BTBD9: variants seen among roughly 807,000 people sequenced by gnomAD.
BTBD9 encodes BTB/POZ domain-containing protein 9.
A neutral mutation model predicts 64.3 loss-of-function variants in BTBD9; 49 were observed. That is an observed-to-expected ratio of 0.76 (90% confidence interval 0.61 to 0.97). BTBD9 has a LOEUF of 0.97. Ranked by LOEUF, BTBD9 falls within the 50% of genes least tolerant of loss-of-function variation. The pLI is 0.00. For missense variants in BTBD9, 598 were observed against 762.1 expected, an observed-to-expected ratio of 0.78 and a Z score of 2.53; for synonymous variants, 260 against 274.7, an observed-to-expected ratio of 0.95 and a Z score of 0.53.
chr6:38,405,177 A>G lies in BTBD9; in HGVS notation c.1155-60084T>C, dbSNP rs182028736. On this transcript the variant is annotated intron_variant, in intron 6 of 10. Coordinates refer to ENST00000481247, the MANE Select transcript of BTBD9 (RefSeq NM_001099272.2). ...CTGGCTTCTATCCAGAATGCTAAAT[A>G]GACAATCTATCTGAGGAAGGGCCTG... 6.9e-4 allele frequency among the ~76,000 whole-genome samples: 105 copies of G among 152,308 alleles called. 2 individuals are homozygous for G. Among genetic ancestry groups the G allele is most frequent in the East Asian group, 1.9e-4 (1 of 5,180 alleles).
intron 4 of BTBD9, among the ~76,000 whole-genome samples, chr6:38,589,266 G>T (rs1016060656): frequency 2.8e-4 from 43 of 152,102 alleles, no homozygotes; most frequent in African/African-American, 9.7e-4. Context: ...TGTAACCCAG[G>T]TACTACCCTT....
At chr6:38,568,116 T>G (rs915330818) in intron 6 of BTBD9, among the ~76,000 whole-genome samples, 12 of 152,236 alleles carry the variant, frequency 7.9e-5, no homozygotes, top group Admixed American at 5.2e-4. Context: ...ATAAATACTA[T>G]GAAAGGTCAG....
chr6:38,349,795 A>C (rs1346177331), intron 6 of BTBD9, among the ~76,000 whole-genome samples: 1 of 151,980 alleles, frequency 6.6e-6, no homozygotes, highest in Non-Finnish European at 1.5e-5. Flanking sequence ...GAACACAGGG[A>C]GGGGCTTGTC....
intron 1 of BTBD9, among the ~76,000 whole-genome samples, chr6:38,618,355 A>T (rs934510795): frequency 6.6e-6 from 1 of 152,254 alleles, no homozygotes; most frequent in Non-Finnish European, 1.5e-5. Flanking sequence ...GTAAGAGGGA[A>T]GGCAAATGGA....
intron 6 of BTBD9, among the ~76,000 whole-genome samples, chr6:38,461,791 A>G (rs1429721653): frequency 6.6e-6 from 1 of 152,240 alleles, no homozygotes; most frequent in African/African-American, 2.4e-5. Context: ...ACAGAGCAGC[A>G]GAGTGTTAGA....
intron 6 of BTBD9, among the ~76,000 whole-genome samples, chr6:38,416,296 T>A (rs1767662471): frequency 6.6e-6 from 1 of 151,678 alleles, no homozygotes; most frequent in Non-Finnish European, 1.5e-5. Flanking sequence ...GAGGTAGTGC[T>A]GTAGTCAGCC....
chr6:38,351,704 T>A (rs936616878), intron 6 of BTBD9, among the ~76,000 whole-genome samples: 1 of 152,022 alleles, frequency 6.6e-6, no homozygotes, highest in Non-Finnish European at 1.5e-5. Context: ...TTTCACCATG[T>A]TAGCCAGTAT....
At chr6:38,407,902 A>G (rs1164999822) in intron 6 of BTBD9, among the ~76,000 whole-genome samples, 3 of 152,304 alleles carry the variant, frequency 2.0e-5, no homozygotes, top group Non-Finnish European at 2.9e-5. Flanking sequence ...AAGGTCCTCA[A>G]TGGAACAACT....
intron 9 of BTBD9, among the ~76,000 whole-genome samples, chr6:38,218,412 T>A (rs1763086125): frequency 6.6e-6 from 1 of 152,166 alleles, no homozygotes; most frequent in Non-Finnish European, 1.5e-5. Context: ...TGTGCTGCAG[T>A]CTGTTTTCTG....
intron 6 of BTBD9, among the ~76,000 whole-genome samples, chr6:38,456,268 CTG>C (rs2127345011): frequency 6.6e-6 from 1 of 152,328 alleles, no homozygotes; most frequent in East Asian, 1.9e-4. Flanking sequence ...GATTACATGA[CTG>C]AGCCACTGTG....
chr6:38,551,856 A>G (rs2127448149), intron 6 of BTBD9, among the ~76,000 whole-genome samples: 1 of 152,334 alleles, frequency 6.6e-6, no homozygotes, highest in East Asian at 1.9e-4. Flanking sequence ...TCCAAGCTAT[A>G]GAGATGTTGA....
intron 6 of BTBD9, among the ~76,000 whole-genome samples, chr6:38,518,515 G>C (rs535707729): frequency 3.3e-5 from 5 of 152,212 alleles, no homozygotes; most frequent in Non-Finnish European, 7.3e-5. Context: ...TGGACCTTAT[G>C]CCTGGACCTG....
intron 7 of BTBD9, among the ~76,000 whole-genome samples, chr6:38,309,422 A>C (rs1762746347): frequency 6.6e-6 from 1 of 151,618 alleles, no homozygotes; most frequent in African/African-American, 2.4e-5. Context: ...GTGGTGGTTT[A>C]TTTAATACTT....
chr6:38,534,504 G>A (rs572395971), intron 6 of BTBD9, among the ~76,000 whole-genome samples: 1 of 148,684 alleles, frequency 6.7e-6, no homozygotes, highest in Non-Finnish European at 1.5e-5. Context: ...GAGGAGGAGG[G>A]AATACTTCCA....
intron 1 of BTBD9, among the ~76,000 whole-genome samples, chr6:38,631,795 G>C (rs1313160410): frequency 1.3e-5 from 2 of 152,320 alleles, no homozygotes; most frequent in East Asian, 3.9e-4. Context: ...AGCTACGCTG[G>C]TTCTGAATTC....
At chr6:38,485,672 T>C (rs1771362924) in intron 6 of BTBD9, among the ~76,000 whole-genome samples, 2 of 152,190 alleles carry the variant, frequency 1.3e-5, no homozygotes, top group Non-Finnish European at 2.9e-5. Context: ...TGTGCAGTCA[T>C]CCAGGCTTTG....
At chr6:38,391,215 T>C (rs981867291) in intron 6 of BTBD9, among the ~76,000 whole-genome samples, 2 of 152,158 alleles carry the variant, frequency 1.3e-5, no homozygotes, top group African/African-American at 4.8e-5. Context: ...TCTCAAAGGT[T>C]TTACATACTA....
In BTBD9 at chr6:38,171,014, T is replaced by C. The variant is rs1413883383; in HGVS notation, c.*3971A>G. On this transcript the variant is annotated 3_prime_UTR_variant, in exon 11 of 11. Coordinates refer to ENST00000481247, the MANE Select transcript of BTBD9 (RefSeq NM_001099272.2). The stretch of plus-strand genomic sequence containing the variant: ...AGCAAATTTAATTTTCTTTTCCTCT[T>C]TGACACCTTTCTTCCCTGTCCAAAG... 6.6e-6 allele frequency: 1 copy of C among 152,274 alleles called. No homozygotes were observed. The highest frequency in any genetic ancestry group is 1.5e-5 in the Non-Finnish European group (1 of 68,048). The allele number at this position is 152,274 out of a possible 1,614,324, so 9.4% of individuals were successfully genotyped here.
chr6:38,231,395 C>T (rs1019217386), intron 9 of BTBD9, among the ~76,000 whole-genome samples: 1 of 152,288 alleles, frequency 6.6e-6, no homozygotes, highest in East Asian at 1.9e-4. Context: ...TGTGTGGCTA[C>T]AGGATTAGAC....
Sources: gnomAD v4.1 joint callset for allele counts (sites outside exome capture counted in the v4.1 genomes callset) on GRCh38, gnomAD v4.1.1 for gene constraint, MANE v1.5 for transcripts, NCBI Gene and HGNC (gene_info 2026-07-23, HGNC 2026-07-21) for gene names.